Variants in NTM observed in about 807,000 individuals in gnomAD.
NTM encodes neurotrimin.
Under a neutral mutation model 42.1 loss-of-function variants are expected in NTM, and 13 were observed. The observed-to-expected ratio is 0.31, with a 90% CI of 0.20 to 0.49. NTM has a LOEUF of 0.49. NTM is among the 20% of genes least tolerant of loss of function. The probability of loss-of-function intolerance (pLI) is 0.99; values close to 1 mark genes in which losing one functional copy is unlikely to be tolerated. For synonymous variants in NTM, 187 were observed against 179.2 expected (o/e 1.04, Z -0.35); for missense variants, 373 against 452.8 (o/e 0.82, Z 1.60).
At chr11:132,072,445 AT>A (rs1179845799) in intron 2 of NTM, among the ~76,000 whole-genome samples, 2 of 152,116 alleles carry the variant, frequency 1.3e-5, no homozygotes, top group Admixed American at 6.5e-5. Context: ...TGCTTTTGGT[AT>A]TTCTGTTGGT....
intron 2 of NTM, among the ~76,000 whole-genome samples, chr11:132,087,781 C>G (rs570865463): frequency 6.6e-6 from 1 of 151,958 alleles, no homozygotes; most frequent in Non-Finnish European, 1.5e-5. Context: ...GGGGGAAGAA[C>G]CTTTTGTTCC....
intron 2 of NTM, among the ~76,000 whole-genome samples, chr11:131,943,257 C>G (rs2059999034): frequency 6.6e-6 from 1 of 152,182 alleles, no homozygotes; most frequent in Non-Finnish European, 1.5e-5. Flanking sequence ...CATGCCCCTT[C>G]CCCTGGCTGG....
intron 6 of NTM, among the ~76,000 whole-genome samples, chr11:132,313,018 C>A (rs1029354506): frequency 1.3e-5 from 2 of 152,188 alleles, no homozygotes. Context: ...TATCTTCTGA[C>A]TTCCCTGGAG....
chr11:131,403,141 A>T (rs1385246755), intron 1 of NTM, among the ~76,000 whole-genome samples: 2 of 152,152 alleles, frequency 1.3e-5, no homozygotes, highest in Non-Finnish European at 2.9e-5. Flanking sequence ...GAGAGGAGAC[A>T]CCGTTTACTT....
At chr11:131,622,054 A>C (rs1197740168) in intron 1 of NTM, among the ~76,000 whole-genome samples, 2 of 152,160 alleles carry the variant, frequency 1.3e-5, no homozygotes, top group African/African-American at 4.8e-5. Flanking sequence ...TGGTCCAGGC[A>C]GGCCCACACT....
At chr11:131,380,616 C>T (rs1194931544) in intron 1 of NTM, among the ~76,000 whole-genome samples, 2 of 152,232 alleles carry the variant, frequency 1.3e-5, no homozygotes, top group Non-Finnish European at 2.9e-5. Context: ...TGTCTATCTC[C>T]CCTTCCCAGG....
chr11:131,464,709 G>A (rs889010001), intron 1 of NTM, among the ~76,000 whole-genome samples: 2 of 152,212 alleles, frequency 1.3e-5, no homozygotes. Context: ...GGGCCAGGAC[G>A]CCCTTCTGCC....
chr11:131,837,887 A>C (rs6590605), intron 1 of NTM, among the ~76,000 whole-genome samples: 80,645 of 152,074 alleles, frequency 0.53, 23,401 homozygotes, highest in Admixed American at 0.66. Context: ...AAGTCGAAAA[A>C]GGTTGTGTGT....
At chr11:132,271,734 G>T (rs1297747270) in intron 4 of NTM, among the ~76,000 whole-genome samples, 1 of 142,710 alleles carries the variant, frequency 7.0e-6, no homozygotes, top group Non-Finnish European at 1.5e-5. Flanking sequence ...TTTTTAATTG[G>T]GTTGTCTTTT....
At chr11:132,104,432 A>G (rs2062012870) in intron 2 of NTM, among the ~76,000 whole-genome samples, 1 of 151,938 alleles carries the variant, frequency 6.6e-6, no homozygotes, top group African/African-American at 2.4e-5. Flanking sequence ...AAGTAGTAAA[A>G]GATACAAAAA....
At chr11:131,783,629 C>G (rs1319750552) in intron 1 of NTM, among the ~76,000 whole-genome samples, 1 of 152,020 alleles carries the variant, frequency 6.6e-6, no homozygotes, top group Non-Finnish European at 1.5e-5. Flanking sequence ...ATGTCATACA[C>G]AAAAACTCAA....
At chr11:131,701,330 A>ATGTATGT (rs2076051547) in intron 1 of NTM, among the ~76,000 whole-genome samples, 1 of 152,200 alleles carries the variant, frequency 6.6e-6, no homozygotes, top group Non-Finnish European at 1.5e-5. Flanking sequence ...AACTGTATGT[A>ATGTATGT]AATCGCCTAG....
At chr11:132,123,325 G>C (rs545434267) in intron 2 of NTM, among the ~76,000 whole-genome samples, 1 of 152,176 alleles carries the variant, frequency 6.6e-6, no homozygotes, top group Non-Finnish European at 1.5e-5. Flanking sequence ...AGGCTCTCTC[G>C]TAGGTGAAGG....
At chr11:132,234,593 C>T (rs1409491904) in intron 4 of NTM, among the ~76,000 whole-genome samples, 1 of 152,146 alleles carries the variant, frequency 6.6e-6, no homozygotes, top group African/African-American at 2.4e-5. Context: ...TAGGTATCTC[C>T]TCAGGACCTC....
intron 1 of NTM, among the ~76,000 whole-genome samples, chr11:131,730,547 G>C (rs2079518354): frequency 6.6e-6 from 1 of 151,848 alleles, no homozygotes; most frequent in Non-Finnish European, 1.5e-5. Flanking sequence ...AGTGAGGCCT[G>C]GTCTTTAGAA....
intron 1 of NTM, among the ~76,000 whole-genome samples, chr11:131,692,563 G>A (rs1001776548): frequency 1.3e-5 from 2 of 152,248 alleles, no homozygotes; most frequent in Admixed American, 6.5e-5. Context: ...ATAGAGAGGA[G>A]ACAGAATGAG....
In NTM at chr11:131,772,757, A is replaced by C. The variant is rs562725193; in HGVS notation, c.83-138807A>C. On this transcript the variant is annotated intron_variant, in intron 1 of 8. Coordinates refer to ENST00000683400, the MANE Select transcript of NTM (RefSeq NM_001352005.2). ...CGAGATAACAAATTTGTGTTGCTTT[A>C]AGATGTTAAATTGGTGATAATTTGT... 1.7e-3 allele frequency among the ~76,000 whole-genome samples: 265 copies of C among 152,328 alleles called. 1 individual carries two copies. Among genetic ancestry groups the C allele is most frequent in the African/African-American group, 5.7e-3 (236 of 41,574 alleles).
intron 1 of NTM, among the ~76,000 whole-genome samples, chr11:131,700,040 G>T (rs1322875501): frequency 1.3e-5 from 2 of 151,658 alleles, no homozygotes; most frequent in Non-Finnish European, 2.9e-5. Flanking sequence ...CATTTAGCTG[G>T]AAGCTAATTG....
At chr11:131,887,483 G>C (rs539177783) in intron 1 of NTM, among the ~76,000 whole-genome samples, 1 of 152,284 alleles carries the variant, frequency 6.6e-6, no homozygotes, top group East Asian at 1.9e-4. Context: ...TTACCAAACA[G>C]GCCAAGATGC....
Sources: gnomAD v4.1 joint callset for allele counts (sites outside exome capture counted in the v4.1 genomes callset) on GRCh38, gnomAD v4.1.1 for gene constraint, MANE v1.5 for transcripts, NCBI Gene and HGNC (gene_info 2026-07-23, HGNC 2026-07-21) for gene names.